Variants in CCDC122 observed in about 807,000 individuals in gnomAD.
CCDC122 encodes the protein coiled-coil domain containing 122.
In CCDC122, 38 loss-of-function variants were observed where a neutral mutation model predicts 37.0. That is an observed-to-expected ratio of 1.03 (90% CI 0.79 to 1.35). The LOEUF (loss-of-function observed/expected upper bound fraction) is 1.35, where lower values mean the gene tolerates loss of function less well. CCDC122 is among the 40% of genes most tolerant of loss of function. The pLI is 0.00. For synonymous variants in CCDC122, 83 were observed against 95.6 expected (o/e 0.87, Z 0.77); for missense variants, 305 against 310.0 (o/e 0.98, Z 0.12).
At chr13:43,830,944 T>G (rs930711288) in intron 3 of CCDC122, among the ~76,000 whole-genome samples, 1 of 151,864 alleles carries the variant, frequency 6.6e-6, no homozygotes, top group Non-Finnish European at 1.5e-5. Flanking sequence ...ACACTGATTA[T>G]TAGGAAACTG....
intron 6 of CCDC122, among the ~76,000 whole-genome samples, chr13:43,839,371 T>C (rs1293965110): frequency 6.6e-6 from 1 of 152,202 alleles, no homozygotes; most frequent in Non-Finnish European, 1.5e-5. Context: ...CTGGCTTCTT[T>C]CACTTAGCAT....
At chr13:43,871,641 T>C (rs1288911612) in intron 2 of CCDC122, among the ~76,000 whole-genome samples, 29 of 152,146 alleles carry the variant, frequency 1.9e-4, no homozygotes, top group Admixed American at 6.5e-5. Context: ...CTCAAATTCA[T>C]GGGCCATCTT....
intron 1 of CCDC122, among the ~76,000 whole-genome samples, chr13:43,879,029 T>A (rs1174223374): frequency 2.0e-5 from 3 of 152,160 alleles, no homozygotes; most frequent in Non-Finnish European, 2.9e-5. Context: ...GGCCCTGGGC[T>A]GCGGTGAGGA....
intron 2 of CCDC122, among the ~76,000 whole-genome samples, chr13:43,874,399 C>G (rs1266327651): frequency 6.6e-6 from 1 of 151,766 alleles, no homozygotes; most frequent in Non-Finnish European, 1.5e-5. Flanking sequence ...TATCTTTCCC[C>G]ATTAGAGTGT....
intron 2 of CCDC122, among the ~76,000 whole-genome samples, chr13:43,872,294 C>G (rs1566955528): frequency 1.3e-5 from 2 of 152,212 alleles, no homozygotes; most frequent in East Asian, 3.9e-4. Context: ...TTACAGCTCA[C>G]TCCCTGTCCT....
At chr13:43,874,390 ATCTT>A (rs1954542723) in intron 2 of CCDC122, among the ~76,000 whole-genome samples, 1 of 152,106 alleles carries the variant, frequency 6.6e-6, no homozygotes, top group Non-Finnish European at 1.5e-5. Flanking sequence ...ATTTTATAGT[ATCTT>A]TCCCCATTAG....
intron 6 of CCDC122, among the ~76,000 whole-genome samples, chr13:43,847,858 T>G (rs988713800): frequency 6.6e-6 from 1 of 152,178 alleles, no homozygotes; most frequent in Non-Finnish European, 1.5e-5. Context: ...CATTGCAACC[T>G]CTTCCTCCCA....
intron 2 of CCDC122, among the ~76,000 whole-genome samples, chr13:43,869,861 T>A (rs146296971): frequency 3.8e-4 from 58 of 152,170 alleles, no homozygotes; most frequent in African/African-American, 1.4e-3. Context: ...ACAATATCAA[T>A]AATGATTAAC....
At chr13:43,854,491 A>G (rs1953842376) in intron 6 of CCDC122, 1 of 152,198 alleles carries the variant, frequency 6.6e-6, no homozygotes, top group Admixed American at 6.5e-5. Flanking sequence ...TAAATAGCCT[A>G]CCAACTGAAA....
intron 6 of CCDC122, among the ~76,000 whole-genome samples, chr13:43,838,944 TC>T (rs1219118985): frequency 4.6e-5 from 7 of 152,212 alleles, no homozygotes; most frequent in Non-Finnish European, 1.0e-4. Context: ...AGGGTAAAGA[TC>T]AGTCATTCTT....
chr13:43,869,655 TCTTAA>T (rs1954385030), intron 2 of CCDC122, among the ~76,000 whole-genome samples, 166 bp from the exon 3 acceptor site: 1 of 152,104 alleles, frequency 6.6e-6, no homozygotes, highest in African/African-American at 2.4e-5. Flanking sequence ...TGAGTAAGTT[TCTTAA>T]CTTCTTTGAT....
downstream of CCDC122, among the ~76,000 whole-genome samples, chr13:43,821,752 T>C (rs1216147962): frequency 6.6e-6 from 1 of 152,238 alleles, no homozygotes; most frequent in Non-Finnish European, 1.5e-5. Flanking sequence ...TTCTTCTGCC[T>C]AAATTCTGAT....
At chr13:43,862,942 C>A (rs1346338307) in intron 4 of CCDC122, among the ~76,000 whole-genome samples, 1 of 152,096 alleles carries the variant, frequency 6.6e-6, no homozygotes, top group Non-Finnish European at 1.5e-5. Flanking sequence ...TCCCTCTCTT[C>A]TTTAATCTCC....
chr13:43,866,850 TA>T (rs888662789), intron 4 of CCDC122, among the ~76,000 whole-genome samples: 183 of 151,618 alleles, frequency 1.2e-3, no homozygotes, highest in African/African-American at 3.5e-3. Context: ...GGATTTTCTT[TA>T]AAAAAAAATG....
intron 6 of CCDC122, among the ~76,000 whole-genome samples, chr13:43,852,324 A>G (rs1953766145): frequency 6.6e-6 from 1 of 152,096 alleles, no homozygotes; most frequent in Non-Finnish European, 1.5e-5. Flanking sequence ...ACACTACAAG[A>G]ATTTCATAAT....
chr13:43,845,087 T>C lies in CCDC122; in HGVS notation c.673-7658A>G, dbSNP rs546686932. Among the ~76,000 whole-genome samples, 7 of 152,318 alleles carry C rather than the reference T, an allele frequency of 4.6e-5. No homozygotes were observed. The East Asian group carries it at 1.3e-3, about 29-fold the overall frequency. ...TTCTTTTGGATTGAGTATTTTTTGT[T>C]GTTCCATTTCATTTCTTCCTTTGTC... is the stretch of plus-strand genomic sequence containing the variant. On this transcript the variant is annotated intron_variant, in intron 6 of 6. Transcript: ENST00000444614.
intron 4 of CCDC122, among the ~76,000 whole-genome samples, chr13:43,865,037 G>C (rs1274688277): frequency 6.6e-6 from 1 of 152,128 alleles, no homozygotes; most frequent in African/African-American, 2.4e-5. Flanking sequence ...GAAGAGTGGA[G>C]CGCCCAGAGA....
intron 6 of CCDC122, among the ~76,000 whole-genome samples, chr13:43,842,295 A>G (rs532362953): frequency 1.3e-5 from 2 of 152,214 alleles, no homozygotes; most frequent in East Asian, 1.9e-4. Flanking sequence ...CCATTTGTTG[A>G]TAAGACTTTC....
chr13:43,826,702 A>G (rs1005580277), intron 3 of CCDC122, among the ~76,000 whole-genome samples: 45 of 152,346 alleles, frequency 3.0e-4, no homozygotes, highest in African/African-American at 1.1e-3. Flanking sequence ...AGACTACTTG[A>G]AAGTGATCAA....
Sources: gnomAD v4.1 joint callset for allele counts (sites outside exome capture counted in the v4.1 genomes callset) on GRCh38, gnomAD v4.1.1 for gene constraint, MANE v1.5 for transcripts, NCBI Gene and HGNC (gene_info 2026-07-23, HGNC 2026-07-21) for gene names.